Variants in FASTKD1 observed in about 807,000 individuals in gnomAD.
FASTKD1 encodes FAST kinase domain-containing protein 1, mitochondrial.
Under a neutral mutation model 90.9 loss-of-function variants are expected in FASTKD1, and 94 were observed. The observed-to-expected ratio is 1.03, with a 90% CI of 0.88 to 1.23. The LOEUF (loss-of-function observed/expected upper bound fraction) is 1.23. Among genes scored for constraint, FASTKD1 ranks in the 50% most tolerant of loss-of-function variants. FASTKD1 has a pLI of 0.00. For synonymous variants in FASTKD1, 319 were observed against 345.8 expected (o/e 0.92, Z 0.86); for missense variants, 945 against 993.5 (o/e 0.95, Z 0.66).
intron 12 of FASTKD1, among the ~76,000 whole-genome samples, chr2:169,534,420 C>T (rs1171850625): frequency 2.0e-5 from 3 of 149,788 alleles, no homozygotes; most frequent in Non-Finnish European, 3.0e-5. Flanking sequence ...ACTTCCTAGC[C>T]TCCAGAACTG....
intron 7 of FASTKD1, among the ~76,000 whole-genome samples, 195 bp from the exon 8 acceptor site, chr2:169,546,899 G>T (rs1331760651): frequency 6.6e-6 from 1 of 152,126 alleles, no homozygotes; most frequent in Non-Finnish European, 1.5e-5. Flanking sequence ...AAATGTGTGG[G>T]AGTTCTTCCA....
intron 12 of FASTKD1, 183 bp downstream of exon 12, chr2:169,537,044 C>T: frequency 3.5e-6 from 1 of 286,238 alleles, no homozygotes; most frequent in Non-Finnish European, 6.6e-6. Context: ...TGGTTATCAA[C>T]ACTGGGCCAC....
intron 10 of FASTKD1, 84 bp from the exon 11 acceptor site, chr2:169,538,225 C>T: frequency 9.0e-7 from 1 of 1,110,256 alleles, no homozygotes; most frequent in South Asian, 1.5e-5. Context: ...TTTATCCCCA[C>T]TATTAGTAGA....
At chr2:169,561,586 A>T (rs1054117729) in intron 4 of FASTKD1, among the ~76,000 whole-genome samples, 12 of 151,506 alleles carry the variant, frequency 7.9e-5, no homozygotes, top group African/African-American at 1.2e-4. Context: ...ACTCTCCTTT[A>T]TGAAACTGAA....
intron 7 of FASTKD1, among the ~76,000 whole-genome samples, chr2:169,548,320 A>C (rs1685309424): frequency 6.6e-6 from 1 of 152,082 alleles, no homozygotes; most frequent in Non-Finnish European, 1.5e-5. Flanking sequence ...ACAAATGAAT[A>C]AACAAACAAC....
At chr2:169,534,597 T>A (rs972781746) in intron 12 of FASTKD1, among the ~76,000 whole-genome samples, 1 of 151,822 alleles carries the variant, frequency 6.6e-6, no homozygotes, top group African/African-American at 2.4e-5. Context: ...GTAGCTGGGA[T>A]TACAGGCGTG....
intron 7 of FASTKD1, among the ~76,000 whole-genome samples, chr2:169,551,622 C>A (rs1453546572): frequency 1.3e-5 from 2 of 152,036 alleles, no homozygotes; most frequent in African/African-American, 4.8e-5. Context: ...CATGGCAAAA[C>A]CCCATCTCTA....
At chr2:169,534,308 C>G (rs1415242659) in intron 12 of FASTKD1, among the ~76,000 whole-genome samples, 1 of 151,284 alleles carries the variant, frequency 6.6e-6, no homozygotes, top group Non-Finnish European at 1.5e-5. Flanking sequence ...TGTTGCCTTC[C>G]TGTCCCTTCT....
At chr2:169,548,731 CAAAAAA>C (rs58560988) in intron 7 of FASTKD1, among the ~76,000 whole-genome samples, 1 of 35,660 alleles carries the variant, frequency 2.8e-5, no homozygotes, top group Non-Finnish European at 5.0e-5. Flanking sequence ...GACTCCGCCT[CAAAAAA>C]AAAAAAAAAA....
At chr2:169,558,489 G>A (rs751495047) in intron 5 of FASTKD1, among the ~76,000 whole-genome samples, 2 of 151,874 alleles carry the variant, frequency 1.3e-5, no homozygotes, top group African/African-American at 2.4e-5. Flanking sequence ...CGCTCCTGTT[G>A]CCCAGGCTGG....
At chr2:169,568,367 A>T (rs909204794) in intron 3 of FASTKD1, among the ~76,000 whole-genome samples, 2 of 152,196 alleles carry the variant, frequency 1.3e-5, no homozygotes, top group Non-Finnish European at 2.9e-5. Flanking sequence ...CTAGAAAAGA[A>T]GATTCAAAAA....
chr2:169,563,188 T>C, intron 4 of FASTKD1, 37 bp downstream of exon 4: 1 of 1,596,696 alleles, frequency 6.3e-7, no homozygotes, highest in Non-Finnish European at 8.5e-7. Context: ...GCCCAGGATC[T>C]TTCCACCACA....
chr2:169,563,181 C>G (rs1201478220), intron 4 of FASTKD1, 44 bp downstream of exon 4: 2 of 1,587,982 alleles, frequency 1.3e-6, no homozygotes, highest in Non-Finnish European at 8.6e-7. Flanking sequence ...ATCCAAAGCC[C>G]AGGATCTTTC....
chr2:169,571,843 G>A lies in FASTKD1; in HGVS notation c.187C>T (p.Leu63Phe). 6.2e-7 allele frequency: 1 copy of A among 1,614,014 alleles called. No individual in the cohort carries two copies. Among genetic ancestry groups the A allele is most frequent in the South Asian group, 1.1e-5 (1 of 91,076 alleles). Residue 63 changes from leucine to phenylalanine, a missense_variant, in exon 2 of 15, where the codon CTT (leucine) becomes TTT (phenylalanine). Coordinates refer to ENST00000453153, the MANE Select transcript of FASTKD1 (RefSeq NM_024622.6). Reference protein sequence around the residue: ...FGFIERNKAILSEKQVGCAFD... With the variant: ...FGFIERNKAIFSEKQVGCAFD... Reference sequence around the variant, plus strand: ...GCACATCCCACTTGCTTTTCTGAAAGTATGGCTTTGTTTCTTTCAATAAAA... The same window carrying A: ...GCACATCCCACTTGCTTTTCTGAAAATATGGCTTTGTTTCTTTCAATAAAA...
intron 7 of FASTKD1, among the ~76,000 whole-genome samples, chr2:169,547,511 T>G (rs1241448285): frequency 6.6e-6 from 1 of 152,130 alleles, no homozygotes; most frequent in Non-Finnish European, 1.5e-5. Context: ...CAAAAGGCTA[T>G]AGCAAGAGCT....
chr2:169,573,206 A>G (rs1354088475), intron 1 of FASTKD1: 1 of 152,230 alleles, frequency 6.6e-6, no homozygotes, highest in Admixed American at 6.5e-5. Flanking sequence ...TTCACAAGAA[A>G]AAACGACGCG....
At chr2:169,570,415 TC>T (rs1274643101) in intron 2 of FASTKD1, among the ~76,000 whole-genome samples, 1 of 152,178 alleles carries the variant, frequency 6.6e-6, no homozygotes, top group East Asian at 1.9e-4. Flanking sequence ...TCTGAGTTTT[TC>T]CACTGACACC....
intron 2 of FASTKD1, among the ~76,000 whole-genome samples, chr2:169,570,348 C>T (rs1294196469): frequency 6.6e-6 from 1 of 151,754 alleles, no homozygotes. Context: ...TCTTTGCTCT[C>T]TTCATTTTTT....
Position 169,531,400 on chromosome 2 carries a change from T to C in FASTKD1, c.2279A>G (p.Glu760Gly), listed in dbSNP as rs1430883681. The part of the protein sequence containing the change: ...ALGQLPEMPW[E>G]SNIEIVGSRL... ...TGATCCAACTATTTCGATATTTGAT[T>C]CCCAGGGCATTTCTGGTAGTTGTCC... is the stretch of plus-strand genomic sequence containing the variant. Residue 760 changes from glutamate (E) to glycine (G), a missense_variant, in exon 13 of 15, where the codon GAA becomes GGA. By Grantham distance (98) the Glu-to-Gly change is moderately conservative (BLOSUM62 -2). Transcript: ENST00000453153. 1 of 1,613,326 alleles carries C rather than the reference T, an allele frequency of 6.2e-7. No homozygotes were observed. Among genetic ancestry groups the C allele is most frequent in the South Asian group, 1.1e-5 (1 of 91,030 alleles).
Sources: allele counts gnomAD v4.1 joint callset (sites outside exome capture counted in the v4.1 genomes callset), GRCh38; gene constraint gnomAD v4.1.1; transcripts MANE v1.5; gene names NCBI Gene and HGNC (gene_info 2026-07-23, HGNC 2026-07-21).